Variants in CUX2 observed in about 807,000 individuals in gnomAD.
CUX2 encodes cut like homeobox 2.
CUX2 carries 40 observed loss-of-function variants against 144.8 expected under a neutral mutation model. The observed-to-expected ratio is 0.28, with a 90% CI of 0.21 to 0.36. The LOEUF is 0.36. CUX2 is among the 10% of genes least tolerant of loss of function. The pLI, the probability that CUX2 is intolerant of heterozygous loss-of-function variation, is 1.00. For missense variants in CUX2, 1,615 were observed against 1,994.0 expected, an observed-to-expected ratio of 0.81 and a Z score of 3.62; for synonymous variants, 827 against 875.6, an observed-to-expected ratio of 0.94 and a Z score of 0.98.
At chr12:111,321,843 G>A (rs1187505986) in intron 17 of CUX2, among the ~76,000 whole-genome samples, 2 of 152,116 alleles carry the variant, frequency 1.3e-5, no homozygotes, top group African/African-American at 4.8e-5. Flanking sequence ...CAAGCTCGGA[G>A]GAGGGAGAAA....
chr12:111,060,541 A>G (rs913018815), intron 1 of CUX2, among the ~76,000 whole-genome samples: 2 of 152,106 alleles, frequency 1.3e-5, no homozygotes, highest in Non-Finnish European at 2.9e-5. Context: ...TGTCTTCTTG[A>G]CTCTTGTCAC....
intron 3 of CUX2, among the ~76,000 whole-genome samples, chr12:111,223,100 G>T (rs945692749): frequency 1.3e-5 from 2 of 152,110 alleles, no homozygotes; most frequent in Non-Finnish European, 2.9e-5. Context: ...TTGGCAGCGT[G>T]CAGGTCCGCT....
At chr12:111,205,812 C>T (rs1421121206) in intron 1 of CUX2, among the ~76,000 whole-genome samples, 2 of 152,204 alleles carry the variant, frequency 1.3e-5, no homozygotes, top group East Asian at 3.8e-4. Flanking sequence ...TGAACCATGT[C>T]ACTGTTTCCC....
Position 111,293,672 on chromosome 12 carries a change from G to T in CUX2, c.560+103G>T. ...GGGGAAAGTCTCCTACCAGAATCCA[G>T]ATGCAGGCTGGAGACCGAGATGAGA... On this transcript the variant is annotated intron_variant, in intron 6 of 21. Transcript: ENST00000261726. The surrounding 1 kb of genome is among the most constrained non-coding windows in gnomAD (Gnocchi z 4.5). The T allele has an allele frequency of 6.9e-7, 1 of 1,446,462 alleles. No individual in the cohort carries two copies. Among genetic ancestry groups the T allele is most frequent in the African/African-American group, 1.4e-5 (1 of 69,998 alleles). The allele number at this position is 1,446,462 out of a possible 1,614,324, so 89.6% of individuals were successfully genotyped here.
intron 1 of CUX2, among the ~76,000 whole-genome samples, chr12:111,161,169 GT>G (rs1243375821): frequency 6.6e-6 from 1 of 152,152 alleles, no homozygotes; most frequent in Non-Finnish European, 1.5e-5. Context: ...CACTGGAAGG[GT>G]ACTTAAGCAT....
In CUX2 at chr12:111,160,264, T is replaced by C. The variant is rs1877668428; in HGVS notation, c.64-53936T>C. ...GATTCTGCAAAGAAACAGCATGCCA[T>C]GGTTTGGAGGGCTATTAAATGGACC... On this transcript the variant is annotated intron_variant, in intron 1 of 21. Coordinates refer to ENST00000261726, the MANE Select transcript of CUX2 (RefSeq NM_015267.4). This position sits in a 1 kb window ranked among gnomAD's most constrained non-coding sequence, Gnocchi z 4.1. Among the ~76,000 whole-genome samples the C allele has an allele frequency of 6.6e-6, 1 of 152,094 alleles. No homozygotes were observed. Among genetic ancestry groups the C allele is most frequent in the Non-Finnish European group, 1.5e-5 (1 of 68,026 alleles).
rs115101736 is a variant in CUX2, at chr12:111,113,880, A to G, written c.63+79640A>G. Among the ~76,000 whole-genome samples the G allele has an allele frequency of 6.5e-4, 99 of 152,254 alleles. 1 individual carries two copies. Among genetic ancestry groups the G allele is most frequent in the African/African-American group, 2.3e-3 (97 of 41,554 alleles). On this transcript the variant is annotated intron_variant, in intron 1 of 21. Transcript: ENST00000261726. ...CCTCACTTCTTTAATTTAGCATAAC[A>G]CATTTGGGATTCATCCACATTGTTG...
In CUX2 at chr12:111,334,498, A is replaced by G; in HGVS notation, c.2984A>G (p.Glu995Gly). The G allele has an allele frequency of 6.2e-7, 1 of 1,611,510 alleles. No homozygotes were observed. Among genetic ancestry groups the G allele is most frequent in the Non-Finnish European group, 8.5e-7 (1 of 1,178,400 alleles). The change falls in exon 19 of 22, where the codon GAG becomes GGG. Residue 995 changes from glutamate (E) to glycine (G), a missense_variant. Transcript: ENST00000261726. ...PSPPPSPTEP[E>G]KSSQEPLSLS... ...CCACCCCCCAGCCCCACAGAGCCTG[A>G]GAAGAGCTCCCAGGAGCCGTTGAGC...
chr12:111,330,686 C>CATATATATATAT (rs57018141), intron 18 of CUX2, among the ~76,000 whole-genome samples: 1 of 59,296 alleles, frequency 1.7e-5, no homozygotes, highest in Non-Finnish European at 3.9e-5. Flanking sequence ...AATACATATA[C>CATATATATATAT]ATATATATAT....
chr12:111,201,918 G>A (rs539735481), intron 1 of CUX2, among the ~76,000 whole-genome samples: 2 of 152,304 alleles, frequency 1.3e-5, no homozygotes, highest in Admixed American at 1.3e-4. Flanking sequence ...TGACCTTGAG[G>A]CAGTGACATG....
At chr12:111,047,078 C>G (rs1212674451) in intron 1 of CUX2, among the ~76,000 whole-genome samples, 1 of 152,228 alleles carries the variant, frequency 6.6e-6, no homozygotes, top group African/African-American at 2.4e-5. Context: ...GCTCCCGGTT[C>G]CCAGCGTGTC....
chr12:111,132,546 T>G (rs918872076), intron 1 of CUX2, among the ~76,000 whole-genome samples: 6 of 150,532 alleles, frequency 4.0e-5, no homozygotes, highest in Non-Finnish European at 5.9e-5. Flanking sequence ...TGAATTTTTA[T>G]GCTCTGTTTC....
intron 1 of CUX2, among the ~76,000 whole-genome samples, chr12:111,048,550 C>T (rs1433854190): frequency 6.6e-6 from 1 of 152,076 alleles, no homozygotes; most frequent in Admixed American, 6.5e-5. Flanking sequence ...GGGCAAGGGG[C>T]GCCTTCTCTC....
In CUX2 at chr12:111,171,995, CTGTGTGTGCGCATGTGTG is replaced by C. The variant is rs1200999794; in HGVS notation, c.64-42202_64-42185del. On this transcript the variant is annotated intron_variant, in intron 1 of 21. Transcript: ENST00000261726. The surrounding 1 kb of genome is among the most constrained non-coding windows in gnomAD (Gnocchi z 5.0). ...TGCACCTGTGTGTGTGTGCATGTGC[CTGTGTGTGCGCATGTGTG>C]TGCATATGCCTGTGTGTACCTGTGC... Among the ~76,000 whole-genome samples, 1 of 146,816 alleles carries C rather than the reference CTGTGTGTGCGCATGTGTG, an allele frequency of 6.8e-6. No individual in the cohort carries two copies. Among genetic ancestry groups the C allele is most frequent in the Non-Finnish European group, 1.5e-5 (1 of 67,824 alleles).
intron 1 of CUX2, among the ~76,000 whole-genome samples, chr12:111,121,115 A>C (rs1475679876): frequency 6.6e-6 from 1 of 151,656 alleles, no homozygotes; most frequent in Non-Finnish European, 1.5e-5. Flanking sequence ...AAAAAAAAAA[A>C]AAAACAACCC....
At chr12:111,340,386 A>C in intron 20 of CUX2, among the ~76,000 whole-genome samples, 1 of 152,138 alleles carries the variant, frequency 6.6e-6, no homozygotes, top group Non-Finnish European at 1.5e-5. Context: ...AAGGCTGTTC[A>C]GAAATTCAGG....
At position 111,320,655 on chromosome 12, in the gene CUX2, G is replaced by A. The variant is rs1223804490; in HGVS notation, c.2646G>A (p.Pro882=). The part of the protein sequence containing the change: ...VPRTLKPTVP[P]LTPEQYELYM... ...GCACCCTGAAGCCCACCGTGCCGCCGCTGACCCCCGAGCAGTACGAGCTGT... is the reference window on the plus strand; with the variant it reads ...GCACCCTGAAGCCCACCGTGCCGCCACTGACCCCCGAGCAGTACGAGCTGT... Residue 882 remains proline (P), a synonymous_variant, in exon 17 of 22, where the codon CCG becomes CCA. Transcript: ENST00000261726. This position sits in a 1 kb window ranked among gnomAD's most constrained non-coding sequence, Gnocchi z 8.1. 3.8e-6 allele frequency: 6 copies of A among 1,596,660 alleles called. No individual in the cohort carries two copies. Among genetic ancestry groups the A allele is most frequent in the Middle Eastern group, 1.7e-4 (1 of 5,944 alleles).
chr12:111,041,976 T>C (rs181898258), intron 1 of CUX2, among the ~76,000 whole-genome samples: 1 of 152,220 alleles, frequency 6.6e-6, no homozygotes, highest in East Asian at 1.9e-4. Context: ...CCTGTGGCTG[T>C]CCCCCGAAAC....
chr12:111,199,819 GTGTGTCTGTGTGTATGTA>G (rs1880468465), intron 1 of CUX2, among the ~76,000 whole-genome samples: 3 of 151,938 alleles, frequency 2.0e-5, no homozygotes, highest in Admixed American at 2.0e-4. Context: ...ATGGATCTCT[GTGTGTCTGTGTGTATGTA>G]TGTGTCTGTG....
Sources: allele counts gnomAD v4.1 joint callset (sites outside exome capture counted in the v4.1 genomes callset), GRCh38; gene constraint gnomAD v4.1.1; non-coding constraint Gnocchi (gnomAD v3.1); transcripts MANE v1.5; gene names NCBI Gene and HGNC (gene_info 2026-07-23, HGNC 2026-07-21).